The following RTKN2 variants were observed in gnomAD, a reference collection of about 807,000 sequenced individuals.
The protein encoded by RTKN2 is rhotekin-2.
RTKN2 carries 69 observed loss-of-function variants against 71.5 expected under a neutral mutation model. The observed-to-expected ratio is 0.96, with a 90% CI of 0.79 to 1.18. The LOEUF (loss-of-function observed/expected upper bound fraction) is 1.18. Ranked by LOEUF, RTKN2 falls within the 50% of genes most tolerant of loss-of-function variation. The pLI is 0.00. For missense variants in RTKN2, 724 were observed against 719.7 expected, an observed-to-expected ratio of 1.01 and a Z score of -0.07; for synonymous variants, 236 against 236.5, an observed-to-expected ratio of 1.00 and a Z score of 0.02.
At chr10:62,215,182 A>G (rs1026963048) in intron 9 of RTKN2, 1 of 750,682 alleles carries the variant, frequency 1.3e-6, no homozygotes, top group African/African-American at 1.8e-5. Flanking sequence ...GTAGGATTTC[A>G]TTTTTACTCC....
intron 9 of RTKN2, among the ~76,000 whole-genome samples, chr10:62,215,972 T>C (rs1277757677): frequency 2.0e-5 from 3 of 151,974 alleles, no homozygotes; most frequent in African/African-American, 7.2e-5. Flanking sequence ...ATGTCCTTGA[T>C]TTGTCAAAAC....
intron 4 of RTKN2, among the ~76,000 whole-genome samples, 187 bp from the exon 5 acceptor site, chr10:62,239,952 C>T (rs973172378): frequency 2.6e-5 from 4 of 152,046 alleles, no homozygotes; most frequent in African/African-American, 4.8e-5. Flanking sequence ...AACTAGAACA[C>T]AATTAAACAA....
chr10:62,199,904 T>G lies in RTKN2; in HGVS notation c.1187-43A>C, dbSNP rs1214916172. On this transcript the variant is annotated intron_variant, in intron 10 of 11. Coordinates refer to ENST00000373789, the MANE Select transcript of RTKN2 (RefSeq NM_145307.4). ...AAGGTAGACTAGTTTAAAACATAAA[T>G]GTGAAGATATATATTTCATTTTTAA... 3 of 1,224,426 alleles carry G rather than the reference T, an allele frequency of 2.5e-6. No individual in the cohort carries two copies. The African/African-American group carries it at 4.5e-5, about 19-fold the overall frequency. 75.8% of individuals were successfully genotyped at this position (1,224,426 alleles called of 1,614,324 possible).
chr10:62,207,606 A>T (rs577504724), intron 9 of RTKN2, among the ~76,000 whole-genome samples: 2 of 152,214 alleles, frequency 1.3e-5, no homozygotes, highest in Non-Finnish European at 2.9e-5. Context: ...TAGGACTGTT[A>T]TTTATGGGCT....
At chr10:62,199,572 C>A (rs1230068743) in intron 11 of RTKN2, among the ~76,000 whole-genome samples, 182 bp downstream of exon 11, 1 of 152,070 alleles carries the variant, frequency 6.6e-6, no homozygotes, top group Non-Finnish European at 1.5e-5. Context: ...AACGTGTATT[C>A]ATTATTTTGT....
intron 2 of RTKN2, among the ~76,000 whole-genome samples, chr10:62,259,498 A>G (rs1842734382): frequency 6.6e-6 from 1 of 152,168 alleles, no homozygotes; most frequent in Admixed American, 6.6e-5. Flanking sequence ...TCAACACAAC[A>G]GATCTTTTCC....
Position 62,243,883 on chromosome 10 carries a change from AGGTACTT to A in RTKN2, c.316+2109_316+2115del, listed in dbSNP as rs976731935. Among the ~76,000 whole-genome samples the A allele has an allele frequency of 8.5e-5, 13 of 152,326 alleles. 1 individual carries two copies. The highest frequency in any genetic ancestry group is 7.8e-4 in the Admixed American group (12 of 15,294). ...CTATCATTTTCAAAAGTGAAAACTA[AGGTACTT>A]GGTGAACTGATTTGGTTTATTCATT... On this transcript the variant is annotated intron_variant, in intron 3 of 11. Transcript: ENST00000373789.
chr10:62,238,777 T>A (rs1227583161), intron 5 of RTKN2: 1 of 152,008 alleles, frequency 6.6e-6, no homozygotes, highest in African/African-American at 2.4e-5. Context: ...ACTATAGGTT[T>A]TTTTAATGTT....
chr10:62,264,184 A>G (rs1842828282), intron 1 of RTKN2, among the ~76,000 whole-genome samples: 1 of 152,228 alleles, frequency 6.6e-6, no homozygotes, highest in Non-Finnish European at 1.5e-5. Flanking sequence ...AGAAAAGATG[A>G]AAGTTAGGAG....
intron 7 of RTKN2, among the ~76,000 whole-genome samples, chr10:62,219,237 T>G (rs1284182602): frequency 1.5e-5 from 1 of 68,702 alleles, no homozygotes; most frequent in Non-Finnish European, 3.4e-5. Flanking sequence ...TATCAGCACC[T>G]GAAGGGCCTG....
intron 10 of RTKN2, among the ~76,000 whole-genome samples, chr10:62,200,499 A>G (rs1271519988): frequency 1.3e-5 from 2 of 151,708 alleles, no homozygotes; most frequent in Non-Finnish European, 2.9e-5. Flanking sequence ...ATTTCTATTT[A>G]TTGCAAAAGT....
chr10:62,200,249 G>A (rs999594476), intron 10 of RTKN2, among the ~76,000 whole-genome samples: 16 of 150,394 alleles, frequency 1.1e-4, no homozygotes, highest in African/African-American at 2.7e-4. Flanking sequence ...TGTAGTCCCC[G>A]CTACTTGGGA....
intron 6 of RTKN2, 104 bp from the exon 7 acceptor site, chr10:62,223,436 A>G: frequency 1.4e-6 from 1 of 699,766 alleles, no homozygotes; most frequent in African/African-American, 1.8e-5. Flanking sequence ...TGATTTAAAG[A>G]TAAGCAAAGG....
intron 7 of RTKN2, among the ~76,000 whole-genome samples, chr10:62,221,508 C>T (rs1185633274): frequency 6.6e-6 from 1 of 151,822 alleles, no homozygotes; most frequent in Non-Finnish European, 1.5e-5. Context: ...AATTAAAATC[C>T]AATATAATGC....
intron 9 of RTKN2, among the ~76,000 whole-genome samples, chr10:62,210,624 T>C (rs1012901101): frequency 3.3e-5 from 5 of 152,120 alleles, no homozygotes; most frequent in African/African-American, 9.7e-5. Context: ...ATGTTGGTGC[T>C]AAAAACAAGC....
chr10:62,218,006 A>G (rs1184478153), intron 8 of RTKN2, among the ~76,000 whole-genome samples, 189 bp downstream of exon 8: 1 of 152,068 alleles, frequency 6.6e-6, no homozygotes, highest in Non-Finnish European at 1.5e-5. Flanking sequence ...ATCGCAGTAG[A>G]TCCCTCCCTA....
rs1841304280 is a variant in RTKN2, at chr10:62,195,479, A to C, written c.*2429T>G. The stretch of plus-strand genomic sequence containing the variant: ...TTTTTAAACTGTAAAGGAAGGGAGG[A>C]AGGAGAGACAGAAGGAAAGTGGGAA... On this transcript the variant is annotated 3_prime_UTR_variant, in exon 12 of 12. Coordinates refer to ENST00000373789, the MANE Select transcript of RTKN2 (RefSeq NM_145307.4). The C allele has an allele frequency of 3.8e-5, 36 of 947,496 alleles. No homozygotes were observed. Among genetic ancestry groups the C allele is most frequent in the Non-Finnish European group, 4.5e-5 (36 of 795,640 alleles). 58.7% of individuals were successfully genotyped at this position (947,496 alleles called of 1,614,324 possible).
chr10:62,202,271 G>A (rs545852633), intron 10 of RTKN2, among the ~76,000 whole-genome samples: 1 of 152,178 alleles, frequency 6.6e-6, no homozygotes, highest in African/African-American at 2.4e-5. Context: ...ACTTCCGTAA[G>A]TGTTTCCTCC....
chr10:62,217,319 T>C, intron 8 of RTKN2, 70 bp from the exon 9 acceptor site: 1 of 1,062,960 alleles, frequency 9.4e-7, no homozygotes, highest in Non-Finnish European at 1.3e-6. Context: ...TACATCAAAA[T>C]ACTTATCAAG....
Sources: gnomAD v4.1 joint callset for allele counts (sites outside exome capture counted in the v4.1 genomes callset) on GRCh38, gnomAD v4.1.1 for gene constraint, MANE v1.5 for transcripts, NCBI Gene and HGNC (gene_info 2026-07-23, HGNC 2026-07-21) for gene names.